ADARB2: variants seen among roughly 807,000 people sequenced by gnomAD.
ADARB2 encodes adenosine deaminase RNA specific B2 (inactive), also known as inactive double-stranded RNA-specific editase B2.
Under a neutral mutation model 62.2 loss-of-function variants are expected in ADARB2, and 25 were observed. The ratio of observed to expected loss-of-function variants is 0.40; its 90% CI spans 0.29 to 0.56. The LOEUF (loss-of-function observed/expected upper bound fraction) is 0.56. ADARB2 is among the 20% of genes least tolerant of loss of function. The pLI is 0.43. For missense variants in ADARB2, 1,071 were observed against 1,077.4 expected (o/e 0.99, Z 0.08); for synonymous variants, 572 against 500.8 (o/e 1.14, Z -1.90).
intron 1 of ADARB2, among the ~76,000 whole-genome samples, chr10:1,604,740 G>T (rs1484555182): frequency 6.6e-6 from 1 of 152,130 alleles, no homozygotes; most frequent in Non-Finnish European, 1.5e-5. Flanking sequence ...CCTCCTCAAC[G>T]CATGAGAACG....
At chr10:1,577,257 T>C (rs1156842599) in intron 1 of ADARB2, among the ~76,000 whole-genome samples, 2 of 131,256 alleles carry the variant, frequency 1.5e-5, no homozygotes, top group Non-Finnish European at 3.3e-5. Flanking sequence ...TCCCGGAAAC[T>C]GCAGTAATAC....
chr10:1,248,206 C>T (rs116672572), intron 4 of ADARB2, among the ~76,000 whole-genome samples: 310 of 152,050 alleles, frequency 2.0e-3, no homozygotes, highest in African/African-American at 6.7e-3. Flanking sequence ...CAAAGGTGTG[C>T]GACGTGTCAG....
intron 1 of ADARB2, among the ~76,000 whole-genome samples, chr10:1,603,236 C>T (rs1468146513): frequency 6.6e-6 from 1 of 152,198 alleles, no homozygotes; most frequent in African/African-American, 2.4e-5. Flanking sequence ...ATGGATTCTT[C>T]GGACAATTGG....
chr10:1,363,967 C>T (rs760915256), intron 2 of ADARB2, 50 bp from the exon 3 acceptor site: 12 of 1,415,796 alleles, frequency 8.5e-6, no homozygotes, highest in Non-Finnish European at 1.1e-5. Context: ...GCCGGCAGGT[C>T]GATGGGCACA....
intron 1 of ADARB2, among the ~76,000 whole-genome samples, chr10:1,686,835 A>G (rs1834602375): frequency 6.6e-6 from 1 of 152,194 alleles, no homozygotes; most frequent in Non-Finnish European, 1.5e-5. Flanking sequence ...TCTCTAGCAA[A>G]TGATCATTCC....
intron 1 of ADARB2, among the ~76,000 whole-genome samples, chr10:1,587,648 C>A (rs1833197845): frequency 6.6e-6 from 1 of 152,010 alleles, no homozygotes; most frequent in Non-Finnish European, 1.5e-5. Context: ...CTCAGCTGAA[C>A]AATTTGAAAC....
rs138580106 is a variant in ADARB2, at chr10:1,708,583, A to G, written c.100+28468T>C. 2.0e-5 allele frequency among the ~76,000 whole-genome samples: 3 copies of G among 152,290 alleles called. No homozygotes were observed. In the East Asian group the frequency reaches 5.8e-4, roughly 29 times the overall value. ...TTGCAGGAAAAGCTACAAGAAGAAG[A>G]ATGTTCAAGGAGAGGCATGGGCTTT... is the stretch of plus-strand genomic sequence containing the variant. On this transcript the variant is annotated intron_variant, in intron 1 of 9. Coordinates refer to ENST00000381312, the MANE Select transcript of ADARB2 (RefSeq NM_018702.4).
chr10:1,279,527 G>A (rs977920242), intron 3 of ADARB2, among the ~76,000 whole-genome samples: 9 of 152,256 alleles, frequency 5.9e-5, no homozygotes, highest in Middle Eastern at 3.4e-3. Flanking sequence ...TGTTGCTCAG[G>A]CTGGTCTCAA....
intron 1 of ADARB2, among the ~76,000 whole-genome samples, chr10:1,554,895 C>T (rs1196466286): frequency 1.3e-5 from 2 of 152,112 alleles, no homozygotes. Flanking sequence ...CCCCCTGCCC[C>T]CTCCCAGGGT....
intron 1 of ADARB2, among the ~76,000 whole-genome samples, chr10:1,474,383 G>A (rs527366757): frequency 1.6e-4 from 24 of 152,302 alleles, no homozygotes; most frequent in Admixed American, 8.5e-4. Flanking sequence ...GACACACGGA[G>A]CTCAGAGCAG....
intron 3 of ADARB2, among the ~76,000 whole-genome samples, chr10:1,345,706 G>A (rs1832075032): frequency 6.6e-6 from 1 of 152,174 alleles, no homozygotes; most frequent in Admixed American, 6.5e-5. Flanking sequence ...GAATTGTAGG[G>A]TCATGTACAG....
In ADARB2 at chr10:1,184,846, A is replaced by T; in HGVS notation, c.2043+15T>A. 6 of 1,607,976 alleles carry T rather than the reference A, an allele frequency of 3.7e-6. No homozygotes were observed. The highest frequency in any genetic ancestry group is 5.1e-6 in the Non-Finnish European group (6 of 1,176,310). ...GGCTGGGTCCAGTTTCCCTGCAAGGATGGGTGCGACCTACCCTGCCATACA... is the reference window on the plus strand; with the variant it reads ...GGCTGGGTCCAGTTTCCCTGCAAGGTTGGGTGCGACCTACCCTGCCATACA... On this transcript the variant is annotated intron_variant, in intron 9 of 9. Transcript: ENST00000381312.
At chr10:1,228,212 C>T (rs927475117) in intron 6 of ADARB2, among the ~76,000 whole-genome samples, 3 of 152,190 alleles carry the variant, frequency 2.0e-5, no homozygotes, top group African/African-American at 7.2e-5. Context: ...ATCTATTTTT[C>T]TTGGCATTTT....
chr10:1,233,638 A>T, intron 6 of ADARB2, 56 bp downstream of exon 6: 1 of 1,547,726 alleles, frequency 6.5e-7, no homozygotes, highest in Non-Finnish European at 8.7e-7. Context: ...ACAGAGTCCC[A>T]GATAGAGGGA....
At chr10:1,235,253 G>T (rs1484433004) in intron 5 of ADARB2, among the ~76,000 whole-genome samples, 6 of 139,802 alleles carry the variant, frequency 4.3e-5, no homozygotes, top group Admixed American at 1.5e-4. Flanking sequence ...TCCGTCACCA[G>T]CACAGGTGGG....
At chr10:1,636,273 T>C (rs148069830) in intron 1 of ADARB2, among the ~76,000 whole-genome samples, 3,600 of 152,194 alleles carry the variant, frequency 0.024, 53 homozygotes, top group Non-Finnish European at 0.037. Flanking sequence ...TCCCAATACT[T>C]TGGGAGGCTG....
intron 1 of ADARB2, among the ~76,000 whole-genome samples, chr10:1,651,059 C>T (rs1834103917): frequency 6.6e-6 from 1 of 152,206 alleles, no homozygotes; most frequent in Admixed American, 6.5e-5. Flanking sequence ...ATGTTCCGCT[C>T]TCCCCTCGTG....
chr10:1,435,331 C>T (rs1830823161), intron 1 of ADARB2, among the ~76,000 whole-genome samples: 1 of 152,172 alleles, frequency 6.6e-6, no homozygotes, highest in African/African-American at 2.4e-5. Flanking sequence ...GTGAAGCTTT[C>T]CTCCCCTCAG....
chr10:1,463,504 G>T (rs966583234), intron 1 of ADARB2, among the ~76,000 whole-genome samples: 1 of 152,182 alleles, frequency 6.6e-6, no homozygotes, highest in African/African-American at 2.4e-5. Context: ...TAAGAAGCGC[G>T]CGTATTCATC....
Sources: allele counts gnomAD v4.1 joint callset (sites outside exome capture counted in the v4.1 genomes callset), GRCh38; gene constraint gnomAD v4.1.1; transcripts MANE v1.5; gene names NCBI Gene and HGNC (gene_info 2026-07-23, HGNC 2026-07-21).